Variants in NBAS observed in about 807,000 individuals in gnomAD.
The protein encoded by NBAS is NBAS subunit of NRZ tethering complex.
A neutral mutation model predicts 302.5 loss-of-function variants in NBAS; 219 were observed. That is an observed-to-expected ratio of 0.72 (90% CI 0.65 to 0.81). The LOEUF is 0.81. Among genes scored for constraint, NBAS ranks in the 30% least tolerant of loss-of-function variants. The pLI is 0.00. For synonymous variants in NBAS, 1,118 were observed against 1,021.6 expected (o/e 1.09, Z -1.80); for missense variants, 2,932 against 2,841.6 (o/e 1.03, Z -0.72).
At chr2:15,324,483 T>G (rs1483077557) in intron 38 of NBAS, among the ~76,000 whole-genome samples, 5 of 152,162 alleles carry the variant, frequency 3.3e-5, no homozygotes, top group Non-Finnish European at 7.3e-5. Context: ...TCTCTCTATC[T>G]ATTTCCCCTT....
At chr2:14,962,997 G>C in the NBAS span, among the ~76,000 whole-genome samples, 1 of 151,874 alleles carries the variant, frequency 6.6e-6, no homozygotes, top group African/African-American at 2.4e-5. Context: ...GGTCGGGAGC[G>C]GTGGCTTACA....
chr2:14,913,006 G>A, the NBAS span, among the ~76,000 whole-genome samples: 3 of 152,280 alleles, frequency 2.0e-5, no homozygotes, highest in South Asian at 2.1e-4. Context: ...AAATGATGGA[G>A]AAGAAAGTTG....
Position 15,424,456 on chromosome 2 carries a change from C to T in NBAS, c.2436G>A (p.Glu812=). ...CEELACRMVV[E]PNLQDESEFL... Reference sequence around the variant, plus strand: ...ATTCACTTTCATCTTGGAGATTCGGCTCAACAACCATTCTGTGAAGCACAA... The same window carrying T: ...ATTCACTTTCATCTTGGAGATTCGGTTCAACAACCATTCTGTGAAGCACAA... Residue 812 remains glutamate, a synonymous_variant, in exon 23 of 52, where the codon GAG becomes GAA. Coordinates refer to ENST00000281513, the MANE Select transcript of NBAS (RefSeq NM_015909.4). 1.2e-6 allele frequency: 2 copies of T among 1,614,070 alleles called. No homozygotes were observed. The highest frequency in any genetic ancestry group is 1.7e-6 in the Non-Finnish European group (2 of 1,179,972).
At chr2:15,087,086 C>T in the NBAS span, among the ~76,000 whole-genome samples, 10,782 of 151,910 alleles carry the variant, frequency 0.071, 868 homozygotes, top group African/African-American at 0.19. Flanking sequence ...AACTGAAACA[C>T]CAATTCTTCC....
the NBAS span, among the ~76,000 whole-genome samples, chr2:15,027,463 T>C: frequency 2.0e-5 from 3 of 152,144 alleles, no homozygotes; most frequent in African/African-American, 4.8e-5. Flanking sequence ...GAAAAGTCAT[T>C]AATTTTTGTA....
intron 11 of NBAS, among the ~76,000 whole-genome samples, chr2:15,489,746 C>T (rs542153127): frequency 5.9e-5 from 9 of 152,284 alleles, no homozygotes; most frequent in Admixed American, 3.9e-4. Context: ...TCTGTCTTTT[C>T]CTTTCTCAGA....
chr2:15,265,072 T>C (rs977045924), intron 44 of NBAS, among the ~76,000 whole-genome samples: 4 of 152,224 alleles, frequency 2.6e-5, no homozygotes, highest in Non-Finnish European at 5.9e-5. Context: ...GGACTCTTCA[T>C]AGCATATGGT....
At chr2:15,071,489 C>T in the NBAS span, among the ~76,000 whole-genome samples, 3 of 151,950 alleles carry the variant, frequency 2.0e-5, no homozygotes, top group Non-Finnish European at 2.9e-5. Flanking sequence ...CCGGGCGTGG[C>T]AGAGGGCACC....
chr2:15,101,310 G>T, the NBAS span, among the ~76,000 whole-genome samples: 2 of 151,894 alleles, frequency 1.3e-5, no homozygotes, highest in Non-Finnish European at 2.9e-5. Context: ...AAAAGTGAGA[G>T]CAAAGAAAGA....
intron 35 of NBAS, among the ~76,000 whole-genome samples, chr2:15,333,866 G>A (rs79584766): frequency 0.041 from 6,177 of 149,874 alleles, 400 homozygotes; most frequent in African/African-American, 0.14. Context: ...AAGAAGAGCC[G>A]CGCAAGTTGT....
the NBAS span, among the ~76,000 whole-genome samples, chr2:14,872,326 A>T: frequency 7.9e-5 from 12 of 152,208 alleles, no homozygotes; most frequent in African/African-American, 2.9e-4. Context: ...GCAGGTATCT[A>T]GAAGTCTTGA....
At chr2:15,268,453 T>C (rs1449888460) in intron 44 of NBAS, among the ~76,000 whole-genome samples, 1 of 152,170 alleles carries the variant, frequency 6.6e-6, no homozygotes, top group African/African-American at 2.4e-5. Flanking sequence ...CTCACTGTCA[T>C]TTTTATATTG....
At chr2:15,211,474 CT>C (rs1264692194) in intron 48 of NBAS, among the ~76,000 whole-genome samples, 1 of 152,164 alleles carries the variant, frequency 6.6e-6, no homozygotes, top group African/African-American at 2.4e-5. Context: ...ATTTATGCAA[CT>C]TTTTTGTAAA....
At chr2:15,172,763 A>C (rs1249244906) in intron 51 of NBAS, among the ~76,000 whole-genome samples, 2 of 152,252 alleles carry the variant, frequency 1.3e-5, no homozygotes, top group Non-Finnish European at 2.9e-5. Context: ...ACAAGTCCAG[A>C]GAATTAGTTG....
At chr2:14,843,523 C>A in the NBAS span, among the ~76,000 whole-genome samples, 1 of 151,570 alleles carries the variant, frequency 6.6e-6, no homozygotes, top group Non-Finnish European at 1.5e-5. Context: ...ATCCTCCCCA[C>A]AAGGCACCAA....
chr2:15,172,630 G>A (rs988306122), intron 51 of NBAS, among the ~76,000 whole-genome samples: 5 of 152,096 alleles, frequency 3.3e-5, no homozygotes, highest in Non-Finnish European at 5.9e-5. Context: ...ATTGACTTTG[G>A]TATATGGTCT....
At chr2:14,961,716 C>A in the NBAS span, among the ~76,000 whole-genome samples, 1 of 152,150 alleles carries the variant, frequency 6.6e-6, no homozygotes, top group Non-Finnish European at 1.5e-5. Context: ...ATTATTCCTA[C>A]TTTATAATTT....
chr2:15,302,174 G>A (rs765840711), intron 40 of NBAS, among the ~76,000 whole-genome samples: 6 of 152,208 alleles, frequency 3.9e-5, no homozygotes, highest in Non-Finnish European at 7.3e-5. Flanking sequence ...CACTGGTGAT[G>A]TATCTGTCTG....
chr2:15,307,827 T>G (rs571154394), intron 40 of NBAS, among the ~76,000 whole-genome samples: 5 of 152,110 alleles, frequency 3.3e-5, no homozygotes, highest in Admixed American at 1.3e-4. Flanking sequence ...AAAATAAAAG[T>G]GCAGTATTGC....
Sources: gnomAD v4.1 joint callset for allele counts (sites outside exome capture counted in the v4.1 genomes callset) on GRCh38, gnomAD v4.1.1 for gene constraint, MANE v1.5 for transcripts, NCBI Gene and HGNC (gene_info 2026-07-23, HGNC 2026-07-21) for gene names.